TRPM7: variants seen among roughly 807,000 people sequenced by gnomAD.
TRPM7 encodes transient receptor potential cation channel subfamily M member 7.
TRPM7 carries 134 observed loss-of-function variants against 229.7 expected under a neutral mutation model. The observed-to-expected ratio is 0.58, with a 90% confidence interval of 0.51 to 0.67. The LOEUF is 0.67. Ranked by LOEUF, TRPM7 falls within the 30% of genes least tolerant of loss-of-function variation. TRPM7 has a pLI of 0.00. For synonymous variants in TRPM7, 699 were observed against 715.2 expected, an observed-to-expected ratio of 0.98 and a Z score of 0.36; for missense variants, 1,901 against 2,210.0, an observed-to-expected ratio of 0.86 and a Z score of 2.80.
At position 50,599,206 on chromosome 15, in the gene TRPM7, C is replaced by T; in HGVS notation, c.3079G>A (p.Ala1027Thr). 1.2e-6 allele frequency: 2 copies of T among 1,613,138 alleles called. No homozygotes were observed. The highest frequency in any genetic ancestry group is 8.5e-7 in the Non-Finnish European group (1 of 1,179,342). Residue 1027 changes from alanine to threonine, a missense_variant, in exon 22 of 39, where the codon GCA becomes ACA. Ala to Thr is a moderately conservative substitution (Grantham distance 58). Around this residue, in one of 8 missense-constraint regions of TRPM7, gnomAD observed 89 missense variants for 178.2 expected, o/e 0.50. Coordinates refer to ENST00000646667, the MANE Select transcript of TRPM7 (RefSeq NM_017672.6). ...PRKAILYPHE[A>T]PSWTLAKDIV... ...TCTTTAGCAAGAGTCCAAGATGGTG[C>T]TTCATGAGGATAAAGTATTGCCTTT...
At chr15:50,574,171 C>A in intron 36 of TRPM7, 103 bp downstream of exon 36, 1 of 919,352 alleles carries the variant, frequency 1.1e-6, no homozygotes, top group Non-Finnish European at 1.7e-6. Flanking sequence ...CTTCTATTGG[C>A]CTAAGATTTT....
intron 36 of TRPM7, among the ~76,000 whole-genome samples, chr15:50,573,319 T>C (rs956214687): frequency 2.6e-5 from 4 of 152,214 alleles, no homozygotes; most frequent in Admixed American, 2.0e-4. Context: ...CCAGCTGCTA[T>C]GTAAGAAGTC....
At chr15:50,657,682 G>A in intron 3 of TRPM7, 99 bp downstream of exon 3, 2 of 1,049,388 alleles carry the variant, frequency 1.9e-6, no homozygotes, top group Non-Finnish European at 2.9e-6. Context: ...AAATATAATA[G>A]CATGTGAGTT....
chr15:50,667,246 T>G (rs1167606597), intron 1 of TRPM7, among the ~76,000 whole-genome samples: 1 of 152,170 alleles, frequency 6.6e-6, no homozygotes, highest in Non-Finnish European at 1.5e-5. Context: ...CCCTAGAAAC[T>G]GAACGCTTTC....
At chr15:50,564,917 T>C (rs150614555) in intron 38 of TRPM7, among the ~76,000 whole-genome samples, 149 of 152,218 alleles carry the variant, frequency 9.8e-4, no homozygotes, top group Non-Finnish European at 1.7e-3. Context: ...TTAATTATAT[T>C]GTTAACTAGT....
At chr15:50,619,917 T>C in intron 12 of TRPM7, 119 bp from the exon 13 acceptor site, 1 of 840,904 alleles carries the variant, frequency 1.2e-6, no homozygotes, top group Admixed American at 3.4e-5. Flanking sequence ...TTTCCTTAAG[T>C]TCTATTCATA....
chr15:50,678,617 T>C (rs1050775562), intron 1 of TRPM7, among the ~76,000 whole-genome samples: 38 of 151,154 alleles, frequency 2.5e-4, no homozygotes, highest in Non-Finnish European at 4.9e-4. Context: ...TGCCAACTAC[T>C]CAACTAATTA....
intron 19 of TRPM7, 55 bp downstream of exon 19, chr15:50,609,526 G>A (rs2060007820): frequency 6.7e-7 from 1 of 1,501,382 alleles, no homozygotes; most frequent in African/African-American, 1.4e-5. Context: ...CGAACCAATG[G>A]TCCCCCAAAG....
intron 38 of TRPM7, among the ~76,000 whole-genome samples, chr15:50,562,141 C>G (rs1470965674): frequency 1.3e-5 from 2 of 152,148 alleles, no homozygotes; most frequent in South Asian, 2.1e-4. Flanking sequence ...GGTGATCCAC[C>G]TGCCTCGGCC....
rs1164113605 is a variant in TRPM7 at position 50,604,846 on chromosome 15, T to C, written c.2988+20A>G. On this transcript the variant is annotated intron_variant, in intron 21 of 38. Coordinates refer to ENST00000646667, the MANE Select transcript of TRPM7 (RefSeq NM_017672.6). ...AAAATCAATAAACCCACGAGTATTA[T>C]CAAACATCTGTCAACTTACCATTTT... 6.5e-7 allele frequency: 1 copy of C among 1,536,762 alleles called. No homozygotes were observed.
At chr15:50,585,181 C>T (rs1231741709) in intron 28 of TRPM7, among the ~76,000 whole-genome samples, 3 of 151,702 alleles carry the variant, frequency 2.0e-5, no homozygotes, top group Admixed American at 2.0e-4. Context: ...CCTGCCTCAG[C>T]CTCCCGAGTA....
intron 21 of TRPM7, among the ~76,000 whole-genome samples, chr15:50,602,731 T>C (rs973542356): frequency 3.2e-4 from 48 of 152,090 alleles, no homozygotes; most frequent in Non-Finnish European, 6.5e-4. Flanking sequence ...AGATACACAA[T>C]GACGAAATAA....
Position 50,580,840 on chromosome 15 carries a change from T to C in TRPM7, c.4592+34A>G, listed in dbSNP as rs745319927. 8.3e-6 allele frequency: 13 copies of C among 1,573,290 alleles called. No homozygotes were observed. The South Asian group carries it at 1.6e-4, about 19-fold the overall frequency. On this transcript the variant is annotated intron_variant, in intron 30 of 38. Transcript: ENST00000646667. ...AGACAACATTCAATAACTATGATAC[T>C]TCGCAAGCTAATGGTAAGAAAAAGC...
At chr15:50,626,331 T>C (rs1255039632) in intron 11 of TRPM7, among the ~76,000 whole-genome samples, 2 of 152,174 alleles carry the variant, frequency 1.3e-5, no homozygotes, top group African/African-American at 2.4e-5. Flanking sequence ...TAACAAAATA[T>C]TGTTTTTAAA....
intron 6 of TRPM7, among the ~76,000 whole-genome samples, chr15:50,637,955 G>A (rs2060956717): frequency 6.6e-6 from 1 of 152,184 alleles, no homozygotes; most frequent in Admixed American, 6.5e-5. Context: ...AGTGGCTCAT[G>A]CATGTGATCC....
intron 31 of TRPM7, among the ~76,000 whole-genome samples, chr15:50,576,635 T>A (rs1246535765): frequency 1.3e-5 from 2 of 152,174 alleles, no homozygotes; most frequent in Non-Finnish European, 2.9e-5. Flanking sequence ...CTATAGTGCT[T>A]TTTGGACATA....
intron 3 of TRPM7, among the ~76,000 whole-genome samples, chr15:50,650,202 A>AG (rs1393764058): frequency 8.5e-6 from 1 of 117,740 alleles, no homozygotes; most frequent in Admixed American, 7.8e-5. Context: ...CAAAAAAAAA[A>AG]AAAAAAAAAA....
chr15:50,632,327 C>T (rs1448396902), intron 9 of TRPM7, among the ~76,000 whole-genome samples: 1 of 151,772 alleles, frequency 6.6e-6, no homozygotes, highest in Non-Finnish European at 1.5e-5. Flanking sequence ...AAGAAAAGAA[C>T]GTGAAACATT....
chr15:50,636,824 A>C (rs968613646), intron 7 of TRPM7, among the ~76,000 whole-genome samples: 24 of 152,306 alleles, frequency 1.6e-4, no homozygotes, highest in Non-Finnish European at 2.6e-4. Context: ...TATTAGAATA[A>C]ATCACACATT....
Sources: allele counts gnomAD v4.1 joint callset (sites outside exome capture counted in the v4.1 genomes callset), GRCh38; gene constraint gnomAD v4.1.1; regional missense constraint gnomAD v4.1.1; transcripts MANE v1.5; gene names NCBI Gene and HGNC (gene_info 2026-07-23, HGNC 2026-07-21).